Variants in CNTNAP5 observed in about 807,000 individuals in gnomAD.
The protein encoded by CNTNAP5 is contactin associated protein family member 5, also known as contactin-associated protein-like 5.
A neutral mutation model predicts 150.2 loss-of-function variants in CNTNAP5; 72 were observed. The observed-to-expected ratio is 0.48, with a 90% CI of 0.40 to 0.58. The LOEUF is 0.58. Among genes scored for constraint, CNTNAP5 ranks in the 20% least tolerant of loss-of-function variants. The pLI is 0.00. For synonymous variants in CNTNAP5, 672 were observed against 619.8 expected, an observed-to-expected ratio of 1.08 and a Z score of -1.25; for missense variants, 1,636 against 1,626.2, an observed-to-expected ratio of 1.01 and a Z score of -0.10.
At chr2:124,532,452 C>G (rs1204872596) in intron 10 of CNTNAP5, among the ~76,000 whole-genome samples, 1 of 152,120 alleles carries the variant, frequency 6.6e-6, no homozygotes, top group East Asian at 1.9e-4. Context: ...GAGCCATGTC[C>G]AGTCCTGTGA....
At chr2:124,172,681 C>T (rs780639498) in intron 1 of CNTNAP5, among the ~76,000 whole-genome samples, 7 of 151,944 alleles carry the variant, frequency 4.6e-5, no homozygotes, top group East Asian at 1.9e-4. Flanking sequence ...CCCAAAGTGC[C>T]GGGATTACAG....
intron 2 of CNTNAP5, among the ~76,000 whole-genome samples, chr2:124,232,659 T>C (rs1686652538): frequency 6.6e-6 from 1 of 152,208 alleles, no homozygotes. Context: ...ATTTCAGTTA[T>C]ATTCATCTAC....
At chr2:124,404,302 A>G (rs1440423517) in intron 3 of CNTNAP5, among the ~76,000 whole-genome samples, 3 of 152,206 alleles carry the variant, frequency 2.0e-5, no homozygotes, top group Non-Finnish European at 2.9e-5. Flanking sequence ...AATTAATAAC[A>G]TCTGCCTGGT....
At chr2:124,808,746 T>C (rs1434790825) in intron 19 of CNTNAP5, among the ~76,000 whole-genome samples, 1 of 152,214 alleles carries the variant, frequency 6.6e-6, no homozygotes, top group African/African-American at 2.4e-5. Flanking sequence ...AGGCTGCCTC[T>C]GCCCCAATGT....
chr2:124,461,646 G>T (rs1693257076), intron 6 of CNTNAP5, among the ~76,000 whole-genome samples: 1 of 151,644 alleles, frequency 6.6e-6, no homozygotes, highest in Non-Finnish European at 1.5e-5. Context: ...CCTGCACATT[G>T]TGCACATGTA....
chr2:124,754,954 A>C (rs1284800087), intron 14 of CNTNAP5, among the ~76,000 whole-genome samples: 1 of 152,186 alleles, frequency 6.6e-6, no homozygotes, highest in Non-Finnish European at 1.5e-5. Context: ...TGAAAATAGA[A>C]AAAAAGAACT....
At chr2:124,124,355 T>G (rs1683636041) in intron 1 of CNTNAP5, among the ~76,000 whole-genome samples, 1 of 151,708 alleles carries the variant, frequency 6.6e-6, no homozygotes, top group African/African-American at 2.4e-5. Flanking sequence ...AAAGAGAAGT[T>G]TAGAGAAAAA....
intron 9 of CNTNAP5, 117 bp downstream of exon 9, chr2:124,524,569 C>A: frequency 1.2e-6 from 1 of 836,314 alleles, no homozygotes. Flanking sequence ...AACACACAAA[C>A]ACACACACAC....
intron 17 of CNTNAP5, among the ~76,000 whole-genome samples, chr2:124,786,352 GAAGAAAGA>G (rs1207108942): frequency 0.014 from 844 of 59,112 alleles, 27 homozygotes; most frequent in South Asian, 0.022. Flanking sequence ...AGAAAGAAAG[GAAGAAAGA>G]AAGAAAGAAA....
intron 1 of CNTNAP5, among the ~76,000 whole-genome samples, chr2:124,188,644 A>G (rs74633045): frequency 0.21 from 30,683 of 145,410 alleles, 3,313 homozygotes; most frequent in African/African-American, 0.24. Flanking sequence ...GCGTGAACCC[A>G]GGAGGCAGAG....
chr2:124,773,216 T>G (rs1473075020), intron 17 of CNTNAP5, among the ~76,000 whole-genome samples, 199 bp downstream of exon 17: 1 of 152,212 alleles, frequency 6.6e-6, no homozygotes, highest in Admixed American at 6.5e-5. Context: ...ATGCTAACCT[T>G]TAGCAAATTT....
chr2:124,275,609 C>T (rs1049453245), intron 3 of CNTNAP5, among the ~76,000 whole-genome samples: 17 of 152,208 alleles, frequency 1.1e-4, no homozygotes, highest in Non-Finnish European at 2.2e-4. Context: ...ATTTCTGACC[C>T]AATGTTTTAT....
At chr2:124,096,934 A>G (rs112350604) in intron 1 of CNTNAP5, among the ~76,000 whole-genome samples, 14,087 of 151,984 alleles carry the variant, frequency 0.093, 774 homozygotes, top group Non-Finnish European at 0.13. Context: ...AAACTCCTGA[A>G]CTCAGGCAAT....
intron 3 of CNTNAP5, among the ~76,000 whole-genome samples, chr2:124,316,529 G>A (rs1423223972): frequency 6.6e-6 from 1 of 152,006 alleles, no homozygotes. Context: ...CTCACAGCCG[G>A]GCACGGTGGC....
intron 3 of CNTNAP5, among the ~76,000 whole-genome samples, chr2:124,261,702 G>C (rs2104601685): frequency 6.6e-6 from 1 of 152,264 alleles, no homozygotes; most frequent in East Asian, 1.9e-4. Flanking sequence ...AGGAGCTACA[G>C]GCAAGTTACT....
chr2:124,136,876 C>T (rs1683986864), intron 1 of CNTNAP5, among the ~76,000 whole-genome samples: 3 of 152,186 alleles, frequency 2.0e-5, no homozygotes, highest in South Asian at 2.1e-4. Context: ...AACATGCTCC[C>T]CCTTCACAAT....
intron 12 of CNTNAP5, among the ~76,000 whole-genome samples, chr2:124,627,737 G>A (rs1558710459): frequency 6.6e-6 from 1 of 152,158 alleles, no homozygotes; most frequent in Non-Finnish European, 1.5e-5. Context: ...GACAGAAATA[G>A]ACTTCAGAAA....
intron 12 of CNTNAP5, among the ~76,000 whole-genome samples, chr2:124,634,661 C>A (rs1395931467): frequency 6.6e-6 from 1 of 152,072 alleles, no homozygotes; most frequent in Non-Finnish European, 1.5e-5. Context: ...GCATGCACTA[C>A]CATGCCTGGC....
intron 13 of CNTNAP5, among the ~76,000 whole-genome samples, chr2:124,737,910 C>T (rs1680420450): frequency 7.1e-6 from 1 of 141,428 alleles, no homozygotes; most frequent in African/African-American, 2.5e-5. Context: ...AGTAAATAAG[C>T]TAGAACATTA....
Sources: allele counts gnomAD v4.1 joint callset (sites outside exome capture counted in the v4.1 genomes callset), GRCh38; gene constraint gnomAD v4.1.1; transcripts MANE v1.5; gene names NCBI Gene and HGNC (gene_info 2026-07-23, HGNC 2026-07-21).